VWC2: variants seen among roughly 807,000 people sequenced by gnomAD.
VWC2 encodes the protein von Willebrand factor C domain containing 2.
In VWC2, 14 loss-of-function variants were observed where a neutral mutation model predicts 29.8. The ratio of observed to expected loss-of-function variants is 0.47; its 90% CI spans 0.31 to 0.74. The LOEUF (loss-of-function observed/expected upper bound fraction) is 0.74. Among genes scored for constraint, VWC2 ranks in the 30% least tolerant of loss-of-function variants. VWC2 has a pLI of 0.05. For synonymous variants in VWC2, 213 were observed against 199.0 expected (o/e 1.07, Z -0.59); for missense variants, 457 against 459.8 (o/e 0.99, Z 0.05).
rs1338243639 is a variant in VWC2, at chr7:49,915,359, A to G, written c.*3174A>G. 5 of 152,206 alleles carry G rather than the reference A, an allele frequency of 3.3e-5. No individual in the cohort carries two copies. The allele number at this position is 152,206 out of a possible 1,614,324, so 9.4% of individuals were successfully genotyped here. ...ATTTAGGTTTGATTATAATACTTTT[A>G]ATCTTTTGATACTTAGAATTTCATC... On this transcript the variant is annotated 3_prime_UTR_variant, in exon 4 of 4. Transcript: ENST00000340652.
chr7:49,775,284 G>T, intron 1 of VWC2, 49 bp from the exon 2 acceptor site: 1 of 398,752 alleles, frequency 2.5e-6, no homozygotes, highest in Admixed American at 5.0e-5. Context: ...CGGCGGGCCG[G>T]GGCGCGCGCG....
chr7:49,863,702 A>G (rs1444661050), intron 3 of VWC2, among the ~76,000 whole-genome samples: 1 of 152,152 alleles, frequency 6.6e-6, no homozygotes. Context: ...AAGTGCTGGG[A>G]TTAGAGACGT....
chr7:49,821,120 T>C (rs1220444076), intron 3 of VWC2, among the ~76,000 whole-genome samples: 1 of 152,226 alleles, frequency 6.6e-6, no homozygotes, highest in Non-Finnish European at 1.5e-5. Flanking sequence ...AATCCTTTCA[T>C]TAGCAATGAG....
rs529383953 is a variant in VWC2, at chr7:49,788,400, C to T, written c.696+12269C>T. Among the ~76,000 whole-genome samples, 442 of 152,206 alleles carry T rather than the reference C, an allele frequency of 2.9e-3. 3 individuals are homozygous for T. Among genetic ancestry groups the T allele is most frequent in the African/African-American group, 0.01 (424 of 41,524 alleles). Reference sequence around the variant, plus strand: ...GTAGTGGGCATTGTCACTGCCATCTCAAAGAATGCCAAACGGGAGCACTGT... The same window carrying T: ...GTAGTGGGCATTGTCACTGCCATCTTAAAGAATGCCAAACGGGAGCACTGT... On this transcript the variant is annotated intron_variant, in intron 2 of 3. Coordinates refer to ENST00000340652, the MANE Select transcript of VWC2 (RefSeq NM_198570.5).
chr7:49,872,838 A>C (rs690842), intron 3 of VWC2, among the ~76,000 whole-genome samples: 107,332 of 141,250 alleles, frequency 0.76, 41,029 homozygotes, highest in East Asian at 0.88. Flanking sequence ...ATCGCTTGAA[A>C]CCAGGAGGCA....
At chr7:49,797,668 TAAG>T (rs746660641) in intron 2 of VWC2, among the ~76,000 whole-genome samples, 4 of 152,148 alleles carry the variant, frequency 2.6e-5, no homozygotes, top group Non-Finnish European at 4.4e-5. Context: ...AAAAATGGTA[TAAG>T]TAGTATTCAT....
At chr7:49,816,510 A>G (rs1789149329) in intron 3 of VWC2, among the ~76,000 whole-genome samples, 1 of 152,210 alleles carries the variant, frequency 6.6e-6, no homozygotes, top group Non-Finnish European at 1.5e-5. Flanking sequence ...TTGGGTAATG[A>G]CAAAGACCAT....
intron 3 of VWC2, among the ~76,000 whole-genome samples, chr7:49,852,114 G>A (rs191103294): frequency 3.3e-5 from 5 of 152,366 alleles, no homozygotes; most frequent in African/African-American, 1.2e-4. Flanking sequence ...AGTACCACCT[G>A]TGTCTGCTTT....
intron 3 of VWC2, among the ~76,000 whole-genome samples, chr7:49,820,138 A>G (rs1562717912): frequency 6.6e-6 from 1 of 152,116 alleles, no homozygotes; most frequent in Admixed American, 6.5e-5. Context: ...GAGATTGATG[A>G]TGATTTCTTA....
At chr7:49,876,619 G>T (rs1312456171) in intron 3 of VWC2, among the ~76,000 whole-genome samples, 1 of 152,102 alleles carries the variant, frequency 6.6e-6, no homozygotes, top group Non-Finnish European at 1.5e-5. Flanking sequence ...GCAGCTCCAG[G>T]AAAGAGATCA....
chr7:49,837,896 A>C (rs1266776188), intron 3 of VWC2, among the ~76,000 whole-genome samples: 1 of 152,188 alleles, frequency 6.6e-6, no homozygotes, highest in Non-Finnish European at 1.5e-5. Flanking sequence ...ATTAGTCCTT[A>C]TGATATAATG....
At position 49,819,195 on chromosome 7, in the gene VWC2, C is replaced by T. The variant is rs1031774702; in HGVS notation, c.826+16355C>T. 5.9e-5 allele frequency among the ~76,000 whole-genome samples: 9 copies of T among 152,318 alleles called. No individual in the cohort carries two copies. The South Asian group carries it at 8.3e-4, about 14-fold the overall frequency. On this transcript the variant is annotated intron_variant, in intron 3 of 3. Coordinates refer to ENST00000340652, the MANE Select transcript of VWC2 (RefSeq NM_198570.5). Reference sequence around the variant, plus strand: ...GCCAATACATCTGTTCACCTGTTTTCGCTCTGTTGCTTACTCCATCCAGAA... The same window carrying T: ...GCCAATACATCTGTTCACCTGTTTTTGCTCTGTTGCTTACTCCATCCAGAA...
At chr7:49,835,864 C>T (rs6971174) in intron 3 of VWC2, among the ~76,000 whole-genome samples, 34,336 of 152,004 alleles carry the variant, frequency 0.23, 4,984 homozygotes, top group East Asian at 0.65. Context: ...ATATATTTTT[C>T]GAATTTGTTA....
At chr7:49,818,560 G>C (rs1047925901) in intron 3 of VWC2, among the ~76,000 whole-genome samples, 7 of 151,960 alleles carry the variant, frequency 4.6e-5, no homozygotes, top group Non-Finnish European at 1.0e-4. Context: ...GTGGAACAGA[G>C]CAACATCCAA....
chr7:49,866,854 C>T (rs1790913387), intron 3 of VWC2, among the ~76,000 whole-genome samples: 1 of 152,182 alleles, frequency 6.6e-6, no homozygotes, highest in African/African-American at 2.4e-5. Context: ...CTCAGACAAC[C>T]CGAGGCATGC....
chr7:49,775,852 C>T lies in VWC2; in HGVS notation c.417C>T (p.Pro139=). Residue 139 remains proline, a synonymous_variant, in exon 2 of 4, where the codon CCC becomes CCT. Transcript: ENST00000340652. ...DAIGPELAPT[P]EPPEEYVYPD... The stretch of plus-strand genomic sequence containing the variant: ...TTGGCCCGGAACTCGCGCCCACGCC[C>T]GAGCCACCCGAGGAGTACGTGTACC... 1.9e-6 allele frequency: 3 copies of T among 1,552,460 alleles called. No individual in the cohort carries two copies. Among genetic ancestry groups the T allele is most frequent in the African/African-American group, 2.7e-5 (2 of 73,464 alleles).
intron 3 of VWC2, among the ~76,000 whole-genome samples, chr7:49,899,012 C>T (rs999150439): frequency 2.0e-5 from 3 of 151,964 alleles, no homozygotes; most frequent in African/African-American, 7.2e-5. Context: ...TTAACAGTCA[C>T]TTTGAACATA....
chr7:49,889,648 TC>T (rs1304273527), intron 3 of VWC2, among the ~76,000 whole-genome samples: 1 of 152,196 alleles, frequency 6.6e-6, no homozygotes, highest in Non-Finnish European at 1.5e-5. Flanking sequence ...CCCTTTTTGC[TC>T]CTTAAGTTTG....
rs2128705943 is a variant in VWC2, at chr7:49,802,646, ATAT to A, written c.697-64_697-62del. The stretch of plus-strand genomic sequence containing the variant: ...GAGCGAGACTCCATTTCAAAAAAAT[ATAT>A]ATGACCCTGTAGGATAAACATGACA... On this transcript the variant is annotated intron_variant, in intron 2 of 3. Coordinates refer to ENST00000340652, the MANE Select transcript of VWC2 (RefSeq NM_198570.5). 3 of 1,599,740 alleles carry A rather than the reference ATAT, an allele frequency of 1.9e-6. No homozygotes were observed. In the East Asian group the frequency reaches 6.7e-5, roughly 36 times the overall value.
Sources: allele counts gnomAD v4.1 joint callset (sites outside exome capture counted in the v4.1 genomes callset), GRCh38; gene constraint gnomAD v4.1.1; transcripts MANE v1.5; gene names NCBI Gene and HGNC (gene_info 2026-07-23, HGNC 2026-07-21).